The following ZMYND8 variants were observed in gnomAD, a reference collection of about 807,000 sequenced individuals.
The protein encoded by ZMYND8 is MYND-type zinc finger-containing chromatin reader ZMYND8.
ZMYND8 carries 37 observed loss-of-function variants against 140.8 expected under a neutral mutation model. That is an observed-to-expected ratio of 0.26 (90% CI 0.20 to 0.35). The LOEUF is 0.35. ZMYND8 is among the 10% of genes least tolerant of loss of function. ZMYND8 has a pLI of 1.00. For missense variants in ZMYND8, 1,068 were observed against 1,570.0 expected (o/e 0.68, Z 5.40); for synonymous variants, 592 against 597.1 (o/e 0.99, Z 0.12).
chr20:47,252,098 C>T (rs6018361), intron 12 of ZMYND8, among the ~76,000 whole-genome samples: 3,436 of 151,766 alleles, frequency 0.023, 126 homozygotes, highest in African/African-American at 0.078. Context: ...GTTCAAGATC[C>T]GCCTGGCTAA....
At chr20:47,318,648 C>T (rs1277729244) in intron 2 of ZMYND8, 2 of 444,576 alleles carry the variant, frequency 4.5e-6, no homozygotes, top group South Asian at 1.6e-5. Context: ...CGCTGACCGT[C>T]TCTTAGACCC....
At chr20:47,295,543 A>G (rs1038905333) in intron 4 of ZMYND8, among the ~76,000 whole-genome samples, 4 of 152,242 alleles carry the variant, frequency 2.6e-5, no homozygotes, top group African/African-American at 9.6e-5. Context: ...TAATTCAATG[A>G]CATCACTGAT....
chr20:47,272,986 T>C (rs1239292512), intron 11 of ZMYND8, among the ~76,000 whole-genome samples: 1 of 152,232 alleles, frequency 6.6e-6, no homozygotes, highest in African/African-American at 2.4e-5. Context: ...TAACAGCAGA[T>C]GGCAGTAGGG....
Position 47,292,689 on chromosome 20 carries a change from G to A in ZMYND8, c.568-801C>T, listed in dbSNP as rs1286683038. 3.3e-5 allele frequency among the ~76,000 whole-genome samples: 5 copies of A among 151,988 alleles called. No individual in the cohort carries two copies. The East Asian group carries it at 9.7e-4, about 29-fold the overall frequency. On this transcript the variant is annotated intron_variant, in intron 5 of 22. Coordinates refer to ENST00000471951, the MANE Select transcript of ZMYND8 (RefSeq NM_001281775.3). ...ACAGTACTCTCAGGAGTTGTACAAA[G>A]GGTCACCACTAGCCCCTATGGTGCC... is the stretch of plus-strand genomic sequence containing the variant.
chr20:47,318,911 A>C (rs549653200), intron 2 of ZMYND8: 1 of 1,330,164 alleles, frequency 7.5e-7, no homozygotes, highest in East Asian at 4.6e-5. Context: ...TCGGAGGCAG[A>C]ACATGCGAGG....
At chr20:47,277,928 C>T (rs1028961642) in intron 10 of ZMYND8, among the ~76,000 whole-genome samples, 1 of 152,072 alleles carries the variant, frequency 6.6e-6, no homozygotes. Context: ...ACCTCAGCCT[C>T]CCAAAGTGCT....
intron 2 of ZMYND8, among the ~76,000 whole-genome samples, chr20:47,336,460 C>T (rs2081391801): frequency 2.6e-5 from 4 of 152,222 alleles, no homozygotes; most frequent in Admixed American, 2.0e-4. Flanking sequence ...ACCACAAGCA[C>T]TACCACAAAA....
At chr20:47,307,746 G>C (rs1473573659) in intron 3 of ZMYND8, among the ~76,000 whole-genome samples, 2 of 152,016 alleles carry the variant, frequency 1.3e-5, no homozygotes, top group African/African-American at 4.8e-5. Context: ...AGAATCTCTT[G>C]AACCTGGGAG....
At chr20:47,248,520 C>T (rs886565805) in intron 13 of ZMYND8, among the ~76,000 whole-genome samples, 4 of 152,240 alleles carry the variant, frequency 2.6e-5, no homozygotes, top group Non-Finnish European at 5.9e-5. Context: ...AGCCATCCCC[C>T]ACTTCTTTAC....
chr20:47,281,490 TG>T (rs1269730475), intron 10 of ZMYND8, among the ~76,000 whole-genome samples: 1 of 152,214 alleles, frequency 6.6e-6, no homozygotes, highest in Non-Finnish European at 1.5e-5. Context: ...GCCTACCTGT[TG>T]TTCTCAAGCA....
chr20:47,318,976 C>T, intron 2 of ZMYND8: 1 of 1,351,524 alleles, frequency 7.4e-7, no homozygotes, highest in Non-Finnish European at 9.8e-7. Flanking sequence ...TGCGGCTGCT[C>T]AGAGGGCCTA....
chr20:47,310,256 C>T (rs774677146), intron 2 of ZMYND8, 52 bp from the exon 3 acceptor site: 57 of 1,542,344 alleles, frequency 3.7e-5, no homozygotes, highest in Non-Finnish European at 4.5e-5. Flanking sequence ...AGGCCTGGGC[C>T]CCACAGGGAG....
At chr20:47,329,041 A>G (rs148304757) in intron 2 of ZMYND8, among the ~76,000 whole-genome samples, 2 of 152,346 alleles carry the variant, frequency 1.3e-5, no homozygotes, top group East Asian at 1.9e-4. Context: ...AACAAAACAC[A>G]CCAACTTGCA....
chr20:47,220,594 C>T (rs1182213186), intron 20 of ZMYND8, among the ~76,000 whole-genome samples: 2 of 151,234 alleles, frequency 1.3e-5, no homozygotes, highest in Non-Finnish European at 2.9e-5. Flanking sequence ...AAACTCCACT[C>T]ACTAACAGAA....
rs554314790 is a variant in ZMYND8, at chr20:47,303,456, G to A, written c.235-4509C>T. On this transcript the variant is annotated intron_variant, in intron 3 of 22. Transcript: ENST00000471951. Reference sequence around the variant, plus strand: ...GAATCAGCTGGGCACAGTGGCTCACGCCTGTAATCCCAGCACTTTGGGAGG... The same window carrying A: ...GAATCAGCTGGGCACAGTGGCTCACACCTGTAATCCCAGCACTTTGGGAGG... Among the ~76,000 whole-genome samples, 124 of 152,222 alleles carry A rather than the reference G, an allele frequency of 8.1e-4. 1 individual carries two copies. The highest frequency in any genetic ancestry group is 1.1e-3 in the Non-Finnish European group (76 of 68,000).
intron 2 of ZMYND8, among the ~76,000 whole-genome samples, chr20:47,320,987 G>A (rs1298172360): frequency 6.6e-6 from 1 of 152,308 alleles, no homozygotes; most frequent in East Asian, 1.9e-4. Flanking sequence ...AAGGAGACCA[G>A]AAATAGAACC....
At chr20:47,246,600 A>G in intron 13 of ZMYND8, 83 bp from the exon 14 acceptor site, 1 of 1,491,804 alleles carries the variant, frequency 6.7e-7, no homozygotes, top group Non-Finnish European at 8.9e-7. Context: ...TTTCCACACC[A>G]AATGCTGGAA....
At chr20:47,243,544 TC>T (rs1380585235) in intron 14 of ZMYND8, among the ~76,000 whole-genome samples, 1 of 152,242 alleles carries the variant, frequency 6.6e-6, no homozygotes, top group Non-Finnish European at 1.5e-5. Context: ...GTACTGTGTT[TC>T]CCATTCTGCT....
Position 47,276,622 on chromosome 20 carries a change from G to T in ZMYND8, c.1172C>A (p.Pro391His). Residue 391 changes from proline (P) to histidine (H), a missense_variant, in exon 11 of 23, where the codon CCC (proline) becomes CAC (histidine). Around this residue, in one of 10 missense-constraint regions of ZMYND8, gnomAD observed 49 missense variants for 94.1 expected, o/e 0.52. Transcript: ENST00000471951. ...NYSPFRTPYTPNSQYQMLLDP... is the reference protein window; with the variant it reads ...NYSPFRTPYTHNSQYQMLLDP... ...GAGCAGCATTTGATACTGGCTGTTG[G>T]GTGTGTAGGGTGTCCTAAATGGAGA... 6.2e-7 allele frequency: 1 copy of T among 1,613,790 alleles called. No homozygotes were observed. Among genetic ancestry groups the T allele is most frequent in the Non-Finnish European group, 8.5e-7 (1 of 1,179,986 alleles).
Sources: gnomAD v4.1 joint callset for allele counts (sites outside exome capture counted in the v4.1 genomes callset) on GRCh38, gnomAD v4.1.1 for gene constraint, gnomAD v4.1.1 regional missense constraint, MANE v1.5 for transcripts, NCBI Gene and HGNC (gene_info 2026-07-23, HGNC 2026-07-21) for gene names.